MYLK: variants seen among roughly 807,000 people sequenced by gnomAD.
MYLK encodes myosin light chain kinase, smooth muscle.
A neutral mutation model predicts 203.4 loss-of-function variants in MYLK; 106 were observed. The observed-to-expected ratio is 0.52, with a 90% CI of 0.45 to 0.61. The LOEUF (loss-of-function observed/expected upper bound fraction) is 0.61, where lower values mean the gene tolerates loss of function less well. Ranked by LOEUF, MYLK falls within the 20% of genes least tolerant of loss-of-function variation. MYLK has a pLI of 0.00. For synonymous variants in MYLK, 867 were observed against 959.5 expected (o/e 0.90, Z 1.78); for missense variants, 2,072 against 2,442.3 (o/e 0.85, Z 3.20).
chr3:123,665,732 T>A (rs900763748), intron 22 of MYLK, among the ~76,000 whole-genome samples: 1 of 152,246 alleles, frequency 6.6e-6, no homozygotes, highest in Admixed American at 6.5e-5. Flanking sequence ...TCTGGGTCAG[T>A]CAGACACAAT....
rs201619646 is a variant in MYLK, at chr3:123,733,973, A to C, written c.1023T>G (p.Thr341=). The C allele has an allele frequency of 5.5e-5, 88 of 1,614,176 alleles. 1 individual carries two copies. In the East Asian group the frequency reaches 2.0e-3, roughly 36 times the overall value. ...CGGCCTGCAGGGTGATGGAGCTGGA[A>C]GTCTTCTGAAGGACCGGGGTCTGCG... ...TAPQTPVLQK[T]SSSITLQAAR... Residue 341 remains threonine (T), a synonymous_variant, in exon 10 of 34, where the codon ACT becomes ACG. Coordinates refer to ENST00000360304, the MANE Select transcript of MYLK (RefSeq NM_053025.4).
At chr3:123,673,628 G>A (rs1356060538) in intron 20 of MYLK, among the ~76,000 whole-genome samples, 1 of 152,126 alleles carries the variant, frequency 6.6e-6, no homozygotes, top group Admixed American at 6.5e-5. Flanking sequence ...GGGACATTCT[G>A]CAGGTCCAGA....
At chr3:123,719,803 G>A (rs2062023491) in intron 13 of MYLK, among the ~76,000 whole-genome samples, 1 of 152,182 alleles carries the variant, frequency 6.6e-6, no homozygotes, top group Non-Finnish European at 1.5e-5. Context: ...GTGCAGTAGG[G>A]AACAAACACC....
intron 19 of MYLK, among the ~76,000 whole-genome samples, chr3:123,682,799 T>G (rs568599311): frequency 6.6e-6 from 1 of 152,224 alleles, no homozygotes; most frequent in East Asian, 1.9e-4. Flanking sequence ...GACCAAACTT[T>G]GCAGTGACAA....
At chr3:123,791,083 G>A (rs1243302865) in intron 4 of MYLK, among the ~76,000 whole-genome samples, 3 of 152,194 alleles carry the variant, frequency 2.0e-5, no homozygotes, top group Admixed American at 6.5e-5. Flanking sequence ...GTTCCGTGAC[G>A]ATTGAGCACC....
chr3:123,879,154 G>A (rs1439201490), intron 1 of MYLK, among the ~76,000 whole-genome samples: 2 of 152,190 alleles, frequency 1.3e-5, no homozygotes, highest in African/African-American at 2.4e-5. Context: ...TCTTCTACGG[G>A]CCTCTGGGCT....
At chr3:123,671,004 G>A (rs2059897437) in intron 20 of MYLK, among the ~76,000 whole-genome samples, 1 of 152,256 alleles carries the variant, frequency 6.6e-6, no homozygotes, top group Non-Finnish European at 1.5e-5. Flanking sequence ...TCCAGCTCTT[G>A]CGGGACAGAT....
chr3:123,829,093 A>G (rs2066235023), intron 3 of MYLK, among the ~76,000 whole-genome samples: 1 of 152,220 alleles, frequency 6.6e-6, no homozygotes, highest in Non-Finnish European at 1.5e-5. Context: ...CTACTACTGG[A>G]AATTTATCCA....
At chr3:123,698,316 G>A (rs2061019135) in intron 18 of MYLK, among the ~76,000 whole-genome samples, 1 of 152,206 alleles carries the variant, frequency 6.6e-6, no homozygotes, top group African/African-American at 2.4e-5. Context: ...TGCAAGAGAG[G>A]CCATGCAGGG....
intron 14 of MYLK, 71 bp downstream of exon 14, chr3:123,709,685 C>T (rs556748874): frequency 8.1e-6 from 13 of 1,598,914 alleles, no homozygotes; most frequent in Admixed American, 5.0e-5. Flanking sequence ...AGCGGGTCCT[C>T]GGAGAGCAAT....
At chr3:123,763,004 C>T (rs2108938718) in intron 4 of MYLK, among the ~76,000 whole-genome samples, 1 of 152,340 alleles carries the variant, frequency 6.6e-6, no homozygotes, top group Admixed American at 6.5e-5. Flanking sequence ...GCTCTCAAAT[C>T]TGCCCCCACA....
At chr3:123,704,747 CAAAAAAAAAA>C (rs5852352) in intron 16 of MYLK, among the ~76,000 whole-genome samples, 1 of 87,688 alleles carries the variant, frequency 1.1e-5, no homozygotes, top group Admixed American at 1.2e-4. Flanking sequence ...ACTAAAAATA[CAAAAAAAAAA>C]AAAAAAAAAA....
At chr3:123,652,557 G>T (rs1196760502) in intron 24 of MYLK, among the ~76,000 whole-genome samples, 1 of 152,210 alleles carries the variant, frequency 6.6e-6, no homozygotes, top group African/African-American at 2.4e-5. Context: ...CCCGGAGACG[G>T]CCTCTGAGGC....
intron 1 of MYLK, among the ~76,000 whole-genome samples, chr3:123,877,419 T>C (rs1179609741): frequency 6.6e-6 from 1 of 152,176 alleles, no homozygotes; most frequent in Non-Finnish European, 1.5e-5. Context: ...ATACTCCAAG[T>C]GTGAGCTAGT....
chr3:123,663,557 G>A (rs1473221756), intron 23 of MYLK, among the ~76,000 whole-genome samples: 5 of 152,116 alleles, frequency 3.3e-5, no homozygotes, highest in East Asian at 1.9e-4. Flanking sequence ...CTAAGATGGC[G>A]ACACTTACGG....
At chr3:123,677,492 C>T (rs1360947179) in intron 20 of MYLK, among the ~76,000 whole-genome samples, 2 of 152,118 alleles carry the variant, frequency 1.3e-5, no homozygotes, top group African/African-American at 2.4e-5. Context: ...TCTCCCCATG[C>T]CCTACTCAGC....
chr3:123,837,846 C>T lies in MYLK; in HGVS notation c.-126-6176G>A, dbSNP rs183367946. ...AAAATCAGTGATTTTGAAGATGAGT[C>T]AACAGAAATTATCCAAACTAAAACA... On this transcript the variant is annotated intron_variant, in intron 2 of 33. Transcript: ENST00000360304. Among the ~76,000 whole-genome samples, 40 of 151,634 alleles carry T rather than the reference C, an allele frequency of 2.6e-4. No homozygotes were observed. The East Asian group carries it at 7.8e-3, about 29-fold the overall frequency.
chr3:123,772,824 AATAG>A (rs1297457039), intron 4 of MYLK, among the ~76,000 whole-genome samples: 2 of 152,044 alleles, frequency 1.3e-5, no homozygotes, highest in Non-Finnish European at 2.9e-5. Context: ...AAAACGTGTT[AATAG>A]GTAAAGTGAT....
chr3:123,639,801 G>A (rs1201831677), intron 28 of MYLK, among the ~76,000 whole-genome samples: 1 of 152,088 alleles, frequency 6.6e-6, no homozygotes, highest in East Asian at 1.9e-4. Flanking sequence ...CTACAAGTTG[G>A]GGCTCATAAA....
Sources: gnomAD v4.1 joint callset for allele counts (sites outside exome capture counted in the v4.1 genomes callset) on GRCh38, gnomAD v4.1.1 for gene constraint, MANE v1.5 for transcripts, NCBI Gene and HGNC (gene_info 2026-07-23, HGNC 2026-07-21) for gene names.